The following METTL25 variants were observed in gnomAD, a reference collection of about 807,000 sequenced individuals.
METTL25 encodes probable methyltransferase-like protein 25.
In METTL25, 64 loss-of-function variants were observed where a neutral mutation model predicts 71.6. That is an observed-to-expected ratio of 0.89 (90% CI 0.73 to 1.10). The LOEUF is 1.10. Among genes scored for constraint, METTL25 ranks in the 50% least tolerant of loss-of-function variants. The pLI, the probability that METTL25 is intolerant of heterozygous loss-of-function variation, is 0.00. For missense variants in METTL25, 807 were observed against 707.0 expected (o/e 1.14, Z -1.60); for synonymous variants, 287 against 250.3 (o/e 1.15, Z -1.38).
Position 82,358,746 on chromosome 12 carries a change from G to A in METTL25, c.181G>A (p.Ala61Thr), listed in dbSNP as rs143218307. Residue 61 changes from alanine (A) to threonine (T), a missense_variant, in exon 1 of 12, where the codon GCG (alanine) becomes ACG (threonine). Ala to Thr is a moderately conservative substitution (Grantham distance 58, BLOSUM62 0). Coordinates refer to ENST00000248306, the MANE Select transcript of METTL25 (RefSeq NM_032230.3). ...VDLPPETVLA[A>T]LRKSASETEA... ...CTTGCCACCGGAGACAGTGCTGGCT[G>A]CGCTGAGGAAGTCAGCGTCGGAGAC... 23 of 1,614,006 alleles carry A rather than the reference G, an allele frequency of 1.4e-5. No homozygotes were observed. Among genetic ancestry groups the A allele is most frequent in the Non-Finnish European group, 1.9e-5 (23 of 1,180,040 alleles).
At chr12:82,420,764 G>A (rs116106450) in intron 5 of METTL25, among the ~76,000 whole-genome samples, 1 of 152,164 alleles carries the variant, frequency 6.6e-6, no homozygotes, top group African/African-American at 2.4e-5. Flanking sequence ...ATTGTACTAA[G>A]GATTGGGGTC....
intron 8 of METTL25, among the ~76,000 whole-genome samples, chr12:82,447,819 C>G (rs561203318): frequency 6.6e-6 from 1 of 152,048 alleles, no homozygotes; most frequent in Non-Finnish European, 1.5e-5. Flanking sequence ...TGTTCAGTAT[C>G]ACTAAAATAT....
chr12:82,396,854 C>A (rs572948149), intron 3 of METTL25, among the ~76,000 whole-genome samples: 12 of 152,168 alleles, frequency 7.9e-5, no homozygotes, highest in Admixed American at 3.9e-4. Flanking sequence ...AGTATGTAGA[C>A]TTTTCATTTC....
At chr12:82,386,202 C>T (rs987863239) in intron 1 of METTL25, among the ~76,000 whole-genome samples, 2 of 152,102 alleles carry the variant, frequency 1.3e-5, no homozygotes, top group South Asian at 4.1e-4. Flanking sequence ...TGCACCCCGC[C>T]CCCCTGCCAC....
intron 1 of METTL25, among the ~76,000 whole-genome samples, chr12:82,359,843 T>A (rs934533310): frequency 1.3e-5 from 2 of 152,238 alleles, no homozygotes; most frequent in Non-Finnish European, 2.9e-5. Context: ...CTTTATTCAT[T>A]GAGCATTCTC....
intron 4 of METTL25, among the ~76,000 whole-genome samples, chr12:82,402,747 A>G (rs1252617398): frequency 2.0e-5 from 3 of 152,012 alleles, no homozygotes; most frequent in Admixed American, 6.6e-5. Flanking sequence ...AAAATCTTCA[A>G]CTCATGCTGT....
chr12:82,365,190 G>C (rs1017436073), intron 1 of METTL25, among the ~76,000 whole-genome samples: 2 of 152,128 alleles, frequency 1.3e-5, no homozygotes, highest in Non-Finnish European at 2.9e-5. Context: ...GTTGATCCCT[G>C]AGTTATATTT....
chr12:82,446,519 T>TTGGAAACTG (rs1052809851), intron 8 of METTL25, among the ~76,000 whole-genome samples: 5 of 151,852 alleles, frequency 3.3e-5, no homozygotes, highest in African/African-American at 1.2e-4. Flanking sequence ...AAGAGAACCT[T>TTGGAAACTG]TGGAAACTGT....
At chr12:82,362,069 A>T (rs1882008682) in intron 1 of METTL25, among the ~76,000 whole-genome samples, 1 of 152,192 alleles carries the variant, frequency 6.6e-6, no homozygotes, top group Admixed American at 6.5e-5. Context: ...TGTTCGGCAC[A>T]ATCATTTGGT....
intron 9 of METTL25, among the ~76,000 whole-genome samples, chr12:82,475,129 G>A (rs1017316002): frequency 3.3e-5 from 5 of 152,138 alleles, no homozygotes; most frequent in South Asian, 2.1e-4. Flanking sequence ...GAAGAAATAC[G>A]TTTTCAGGGA....
At chr12:82,367,624 CTGT>C (rs1565798354) in intron 1 of METTL25, among the ~76,000 whole-genome samples, 1 of 152,188 alleles carries the variant, frequency 6.6e-6, no homozygotes, top group East Asian at 1.9e-4. Flanking sequence ...GGCTTCCAAC[CTGT>C]TGTTCTTGCC....
At chr12:82,461,053 C>G (rs904369665) in intron 9 of METTL25, among the ~76,000 whole-genome samples, 4 of 151,884 alleles carry the variant, frequency 2.6e-5, no homozygotes, top group South Asian at 2.1e-4. Flanking sequence ...TGAGGCAGGA[C>G]AATGGCATGA....
chr12:82,403,893 T>G (rs1886855290), intron 5 of METTL25, among the ~76,000 whole-genome samples: 1 of 152,218 alleles, frequency 6.6e-6, no homozygotes, highest in African/African-American at 2.4e-5. Flanking sequence ...TATCTTTATC[T>G]GTGTCCTTGC....
intron 5 of METTL25, among the ~76,000 whole-genome samples, chr12:82,426,375 T>C (rs1251672065): frequency 6.6e-6 from 1 of 152,034 alleles, no homozygotes; most frequent in Non-Finnish European, 1.5e-5. Context: ...GAGTGATGTG[T>C]TTTCCTGTAG....
chr12:82,458,342 A>G (rs565979377), intron 9 of METTL25, among the ~76,000 whole-genome samples: 1 of 152,182 alleles, frequency 6.6e-6, no homozygotes, highest in Non-Finnish European at 1.5e-5. Flanking sequence ...AAAGCTAAAA[A>G]CAACAGAAAA....
chr12:82,429,591 T>C (rs1242438342), intron 5 of METTL25, among the ~76,000 whole-genome samples: 1 of 151,692 alleles, frequency 6.6e-6, no homozygotes, highest in Non-Finnish European at 1.5e-5. Flanking sequence ...CTGGATTGTA[T>C]GTATGGTAGT....
At chr12:82,447,152 C>A (rs1890813998) in intron 8 of METTL25, among the ~76,000 whole-genome samples, 1 of 150,644 alleles carries the variant, frequency 6.6e-6, no homozygotes, top group African/African-American at 2.4e-5. Flanking sequence ...GAAAAAAAAC[C>A]CACGGAAGAT....
chr12:82,397,056 C>G (rs1592647403), intron 3 of METTL25, among the ~76,000 whole-genome samples: 1 of 152,004 alleles, frequency 6.6e-6, no homozygotes, highest in East Asian at 1.9e-4. Context: ...TAAGACTTCT[C>G]TGAATATTCA....
At chr12:82,409,507 AG>A (rs1887380300) in intron 5 of METTL25, among the ~76,000 whole-genome samples, 1 of 151,928 alleles carries the variant, frequency 6.6e-6, no homozygotes, top group African/African-American at 2.4e-5. Flanking sequence ...AAGCACTACT[AG>A]TTACCAATTC....
Sources: gnomAD v4.1 joint callset for allele counts (sites outside exome capture counted in the v4.1 genomes callset) on GRCh38, gnomAD v4.1.1 for gene constraint, MANE v1.5 for transcripts, NCBI Gene and HGNC (gene_info 2026-07-23, HGNC 2026-07-21) for gene names.